The following PAG1 variants were observed in gnomAD, a reference collection of about 807,000 sequenced individuals.
The protein encoded by PAG1 is phosphoprotein associated with glycosphingolipid-enriched microdomains 1.
PAG1 carries 23 observed loss-of-function variants against 31.7 expected under a neutral mutation model. The observed-to-expected ratio is 0.73, with a 90% CI of 0.52 to 1.03. The LOEUF (loss-of-function observed/expected upper bound fraction) is 1.03, where lower values mean the gene tolerates loss of function less well. Among genes scored for constraint, PAG1 ranks in the 50% least tolerant of loss-of-function variants. The pLI, the probability that PAG1 is intolerant of heterozygous loss-of-function variation, is 0.00. For missense variants in PAG1, 473 were observed against 540.7 expected, an observed-to-expected ratio of 0.87 and a Z score of 1.24; for synonymous variants, 214 against 210.3, an observed-to-expected ratio of 1.02 and a Z score of -0.15.
At position 81,086,039 on chromosome 8, in the gene PAG1, T is replaced by C. The variant is rs546180383; in HGVS notation, c.-233-15869A>G. 6.4e-5 allele frequency among the ~76,000 whole-genome samples: 8 copies of C among 125,382 alleles called. No individual in the cohort carries two copies. The South Asian group carries it at 1.1e-3, about 17-fold the overall frequency. 82.3% of individuals were successfully genotyped at this position (125,382 alleles called of 152,430 possible). On this transcript the variant is annotated intron_variant, in intron 1 of 8. Transcript: ENST00000220597. ...CTCTGTCGCCCAGGCTGGAGTGCAG[T>C]GGCGCGATCTCGGCTCACTGCAAGC...
rs117078719 is a variant in PAG1 at position 81,018,162 on chromosome 8, A to G, written c.-81+11834T>C. Among the ~76,000 whole-genome samples the G allele has an allele frequency of 5.3e-3, 809 of 152,356 alleles. 9 individuals carry two copies. The highest frequency in any genetic ancestry group is 0.023 in the East Asian group (121 of 5,188). On this transcript the variant is annotated intron_variant, in intron 3 of 8. Transcript: ENST00000220597. ...TCTCAACTGTCTTAAAGGCCTTAAC[A>G]TAATTAGGTATTCAAAACTTTATTG...
chr8:81,047,426 T>C (rs1007984574), intron 2 of PAG1, among the ~76,000 whole-genome samples: 1 of 152,272 alleles, frequency 6.6e-6, no homozygotes, highest in African/African-American at 2.4e-5. Flanking sequence ...TTGATTTGCA[T>C]TTCTCTAATG....
At chr8:81,001,464 CA>C (rs1239106584) in intron 3 of PAG1, among the ~76,000 whole-genome samples, 1 of 152,184 alleles carries the variant, frequency 6.6e-6, no homozygotes, top group Non-Finnish European at 1.5e-5. Flanking sequence ...AAGGAACCTA[CA>C]AAAGCCTGCT....
chr8:80,979,495 T>C (rs1426330007), intron 8 of PAG1, among the ~76,000 whole-genome samples: 3 of 152,138 alleles, frequency 2.0e-5, no homozygotes, highest in African/African-American at 7.2e-5. Flanking sequence ...TAGGTTTTGG[T>C]CTGTGCAACC....
At chr8:81,062,118 A>G (rs757282811) in intron 2 of PAG1, among the ~76,000 whole-genome samples, 1 of 152,240 alleles carries the variant, frequency 6.6e-6, no homozygotes, top group Non-Finnish European at 1.5e-5. Context: ...ACAACACCTC[A>G]GTTATCTATA....
intron 3 of PAG1, among the ~76,000 whole-genome samples, chr8:80,996,881 C>T (rs892610857): frequency 1.1e-4 from 16 of 152,132 alleles, no homozygotes; most frequent in Non-Finnish European, 1.6e-4. Flanking sequence ...AGACAGTAAG[C>T]GGATAGGAGG....
At chr8:81,074,424 G>A (rs1809145182) in intron 1 of PAG1, among the ~76,000 whole-genome samples, 2 of 152,204 alleles carry the variant, frequency 1.3e-5, no homozygotes, top group South Asian at 4.1e-4. Flanking sequence ...AAGGAGAACT[G>A]GAGGGGGTGA....
At chr8:80,977,953 C>T (rs1412477173) in intron 8 of PAG1, among the ~76,000 whole-genome samples, 3 of 152,232 alleles carry the variant, frequency 2.0e-5, no homozygotes, top group Non-Finnish European at 4.4e-5. Context: ...CATGAACATG[C>T]TTCCTCACAG....
chr8:81,024,394 C>A (rs944260754), intron 3 of PAG1, among the ~76,000 whole-genome samples: 1 of 152,182 alleles, frequency 6.6e-6, no homozygotes, highest in Non-Finnish European at 1.5e-5. Flanking sequence ...GGGCTCCTGG[C>A]ACACGGCCCC....
intron 1 of PAG1, among the ~76,000 whole-genome samples, chr8:81,100,032 T>G (rs1364944903): frequency 6.6e-6 from 1 of 152,202 alleles, no homozygotes; most frequent in Non-Finnish European, 1.5e-5. Context: ...AAGGAAAAAT[T>G]AGAAATTCTT....
At chr8:81,030,654 A>G (rs1224492068) in intron 2 of PAG1, among the ~76,000 whole-genome samples, 1 of 152,178 alleles carries the variant, frequency 6.6e-6, no homozygotes, top group Non-Finnish European at 1.5e-5. Context: ...AATGGGGAAG[A>G]TGTTCAGAAA....
rs1807513283 is a variant in PAG1 at position 80,990,246 on chromosome 8, T to TG, written c.177+1232dup. 6.6e-6 allele frequency among the ~76,000 whole-genome samples: 1 copy of TG among 151,980 alleles called. No individual in the cohort carries two copies. Among genetic ancestry groups the TG allele is most frequent in the Non-Finnish European group, 1.5e-5 (1 of 67,964 alleles). ...TGCAGAGGGGAGGGAAGGAAAATCCTGGGGGTCCCAGGAGGAACGGGGAGT... is the reference window on the plus strand; with the variant it reads ...TGCAGAGGGGAGGGAAGGAAAATCCTGGGGGGTCCCAGGAGGAACGGGGAGT... On this transcript the variant is annotated intron_variant, in intron 5 of 8. Transcript: ENST00000220597. The surrounding 1 kb of genome is among the most constrained non-coding windows in gnomAD (Gnocchi z 5.1).
chr8:81,032,802 AAAG>A (rs981762704), intron 2 of PAG1, among the ~76,000 whole-genome samples: 2 of 152,360 alleles, frequency 1.3e-5, no homozygotes, highest in Non-Finnish European at 2.9e-5. Flanking sequence ...TGTAATACCC[AAAG>A]AAGTAGAAAC....
At chr8:81,048,459 T>C (rs1169123939) in intron 2 of PAG1, among the ~76,000 whole-genome samples, 4 of 152,118 alleles carry the variant, frequency 2.6e-5, no homozygotes, top group African/African-American at 9.7e-5. Flanking sequence ...CTACCATCCA[T>C]GAATATGAAT....
At chr8:81,050,356 C>T (rs188352904) in intron 2 of PAG1, among the ~76,000 whole-genome samples, 28 of 152,096 alleles carry the variant, frequency 1.8e-4, no homozygotes, top group African/African-American at 6.0e-4. Flanking sequence ...ATAAAGCAAA[C>T]TTAGATTTAA....
intron 1 of PAG1, among the ~76,000 whole-genome samples, chr8:81,077,201 A>C (rs1809192870): frequency 2.0e-5 from 3 of 152,240 alleles, no homozygotes; most frequent in Admixed American, 2.0e-4. Flanking sequence ...CTGCACATTT[A>C]ACAGGATGTA....
intron 2 of PAG1, among the ~76,000 whole-genome samples, chr8:81,054,840 C>T (rs1302795828): frequency 3.3e-5 from 5 of 152,060 alleles, no homozygotes; most frequent in African/African-American, 4.8e-5. Context: ...CCCAAGGAGT[C>T]GGCCCTATAC....
At chr8:81,009,680 A>C (rs1179461746) in intron 3 of PAG1, among the ~76,000 whole-genome samples, 1 of 152,152 alleles carries the variant, frequency 6.6e-6, no homozygotes, top group Admixed American at 6.5e-5. Flanking sequence ...TGGTGTGATC[A>C]TAGCTCACTG....
intron 3 of PAG1, among the ~76,000 whole-genome samples, chr8:80,994,412 C>T (rs917978227): frequency 1.3e-5 from 2 of 152,170 alleles, no homozygotes; most frequent in African/African-American, 2.4e-5. Flanking sequence ...AGTACATTTC[C>T]GTACCTGGTA....
Sources: allele counts gnomAD v4.1 joint callset (sites outside exome capture counted in the v4.1 genomes callset), GRCh38; gene constraint gnomAD v4.1.1; non-coding constraint Gnocchi (gnomAD v3.1); transcripts MANE v1.5; gene names NCBI Gene and HGNC (gene_info 2026-07-23, HGNC 2026-07-21).